The following ITGA4 variants were observed in gnomAD, a reference collection of about 807,000 sequenced individuals.
ITGA4 encodes integrin alpha-4.
In ITGA4, 63 loss-of-function variants were observed where a neutral mutation model predicts 133.6. That is an observed-to-expected ratio of 0.47 (90% CI 0.38 to 0.58). The LOEUF is 0.58. Among genes scored for constraint, ITGA4 ranks in the 20% least tolerant of loss-of-function variants. ITGA4 has a pLI of 0.00. For missense variants in ITGA4, 1,076 were observed against 1,252.7 expected (o/e 0.86, Z 2.13); for synonymous variants, 483 against 438.0 (o/e 1.10, Z -1.28).
chr2:181,519,996 A>G (rs1686685389), intron 17 of ITGA4, among the ~76,000 whole-genome samples: 1 of 152,114 alleles, frequency 6.6e-6, no homozygotes, highest in African/African-American at 2.4e-5. Flanking sequence ...AGGCTCTGAG[A>G]AAGCATGTGA....
At chr2:181,504,625 T>C (rs1235839933) in intron 15 of ITGA4, among the ~76,000 whole-genome samples, 1 of 152,116 alleles carries the variant, frequency 6.6e-6, no homozygotes, top group Non-Finnish European at 1.5e-5. Flanking sequence ...GAATTGATTA[T>C]TATAACATGT....
intron 21 of ITGA4, among the ~76,000 whole-genome samples, chr2:181,525,888 A>C (rs769563397): frequency 2.6e-5 from 4 of 152,224 alleles, no homozygotes; most frequent in Admixed American, 6.5e-5. Context: ...AGAAAGAATA[A>C]AAGGGGGCTT....
chr2:181,493,988 G>T (rs557876028), intron 11 of ITGA4, among the ~76,000 whole-genome samples: 1 of 152,306 alleles, frequency 6.6e-6, no homozygotes, highest in East Asian at 1.9e-4. Flanking sequence ...TATTTGCATG[G>T]AAATATTAGC....
chr2:181,462,686 C>T (rs1685315270), intron 2 of ITGA4, among the ~76,000 whole-genome samples: 1 of 152,136 alleles, frequency 6.6e-6, no homozygotes, highest in Non-Finnish European at 1.5e-5. Context: ...AAAGAAGTTT[C>T]CTTATTTCCA....
chr2:181,478,927 A>G (rs549952081), intron 5 of ITGA4, 103 bp downstream of exon 5: 5 of 526,192 alleles, frequency 9.5e-6, no homozygotes, highest in African/African-American at 7.9e-5. Context: ...ATTGTGTAAC[A>G]TCTTCATCAT....
intron 5 of ITGA4, chr2:181,479,865 G>C (rs990722122): frequency 1.5e-5 from 3 of 204,876 alleles, no homozygotes; most frequent in Non-Finnish European, 2.9e-5. Flanking sequence ...TTACTCTAGC[G>C]TTCAGTACTT....
chr2:181,527,774 T>C (rs1268717088), intron 22 of ITGA4, among the ~76,000 whole-genome samples: 2 of 152,174 alleles, frequency 1.3e-5, no homozygotes, highest in Admixed American at 1.3e-4. Context: ...TATAAAAACC[T>C]CAGCACTACA....
chr2:181,523,264 A>G lies in ITGA4; in HGVS notation c.2074-173A>G, dbSNP rs1213465767. ...TACACATACATATATACACACATGC[A>G]CACATATTTATATCATATGTCTATT... On this transcript the variant is annotated intron_variant, in intron 18 of 27. Transcript: ENST00000397033. The surrounding 1 kb of genome is among the most constrained non-coding windows in gnomAD (Gnocchi z 4.2). The G allele has an allele frequency of 1.9e-6, 1 of 529,166 alleles. No individual in the cohort carries two copies. The highest frequency in any genetic ancestry group is 3.4e-6 in the Non-Finnish European group (1 of 293,696). 32.8% of individuals were successfully genotyped at this position (529,166 alleles called of 1,614,324 possible).
At position 181,495,770 on chromosome 2, in the gene ITGA4, A is replaced by C; in HGVS notation, c.1386-13A>C. ...TTCTGCAATTAACATTGCTACTTTTATTTCCTTCTCAGGACAAGACCTGTA... is the reference window on the plus strand; with the variant it reads ...TTCTGCAATTAACATTGCTACTTTTCTTTCCTTCTCAGGACAAGACCTGTA... On this transcript the variant is annotated splice_polypyrimidine_tract_variant and intron_variant, in intron 13 of 27. Transcript: ENST00000397033. This position sits in a 1 kb window ranked among gnomAD's most constrained non-coding sequence, Gnocchi z 4.3. The C allele has an allele frequency of 6.2e-7, 1 of 1,602,558 alleles. No homozygotes were observed. Among genetic ancestry groups the C allele is most frequent in the Non-Finnish European group, 8.5e-7 (1 of 1,175,832 alleles).
intron 16 of ITGA4, among the ~76,000 whole-genome samples, chr2:181,510,602 C>T (rs1660198974): frequency 2.0e-5 from 3 of 152,216 alleles, no homozygotes; most frequent in Middle Eastern, 3.4e-3. Context: ...CCTGTCCAGA[C>T]AAAATTGCCC....
chr2:181,494,286 G>C (rs115112593), intron 11 of ITGA4, among the ~76,000 whole-genome samples: 23 of 152,020 alleles, frequency 1.5e-4, no homozygotes, highest in Admixed American at 1.5e-3. Flanking sequence ...ATTCATGTTG[G>C]GCAAGGAAGT....
intron 15 of ITGA4, among the ~76,000 whole-genome samples, chr2:181,499,378 C>T (rs1164071981): frequency 1.3e-5 from 2 of 152,134 alleles, no homozygotes; most frequent in African/African-American, 2.4e-5. Flanking sequence ...TATTAAAACA[C>T]TCATTCCCAA....
chr2:181,513,551 G>T (rs1314450336), intron 17 of ITGA4, among the ~76,000 whole-genome samples: 2 of 151,894 alleles, frequency 1.3e-5, no homozygotes, highest in Non-Finnish European at 2.9e-5. Context: ...TCCTACCTAG[G>T]TCACTAAGTT....
intron 22 of ITGA4, 135 bp downstream of exon 22, chr2:181,527,522 C>T: frequency 1.6e-6 from 1 of 607,474 alleles, no homozygotes. Flanking sequence ...GGGGCAGCAG[C>T]AGTGGTACTC....
intron 22 of ITGA4, among the ~76,000 whole-genome samples, chr2:181,527,940 G>A (rs558176104): frequency 6.6e-6 from 1 of 152,198 alleles, no homozygotes; most frequent in South Asian, 2.1e-4. Flanking sequence ...TTAGGAGACT[G>A]ATGTAAACCT....
rs1354027087 is a variant in ITGA4, at chr2:181,537,784, G to C, written c.*2257G>C. On this transcript the variant is annotated 3_prime_UTR_variant, in exon 28 of 28. Coordinates refer to ENST00000397033, the MANE Select transcript of ITGA4 (RefSeq NM_000885.6). Reference sequence around the variant, plus strand: ...GATATCTAAAAACAGAATTTGAATTGATATTTCATCTTGACTTTTAAAGCC... The same window carrying C: ...GATATCTAAAAACAGAATTTGAATTCATATTTCATCTTGACTTTTAAAGCC... The C allele has an allele frequency of 2.2e-6, 1 of 456,556 alleles. No homozygotes were observed. The highest frequency in any genetic ancestry group is 2.4e-5 in the Admixed American group (1 of 42,012). The allele number at this position is 456,556 out of a possible 1,614,324, so 28.3% of individuals were successfully genotyped here.
intron 15 of ITGA4, among the ~76,000 whole-genome samples, chr2:181,503,598 A>C (rs1686331143): frequency 8.6e-6 from 1 of 115,994 alleles, no homozygotes; most frequent in African/African-American, 3.2e-5. Context: ...TGCTTTAAAA[A>C]ATCCTTTGTA....
intron 2 of ITGA4, among the ~76,000 whole-genome samples, chr2:181,466,646 A>C (rs1685423558): frequency 6.6e-6 from 1 of 152,188 alleles, no homozygotes; most frequent in African/African-American, 2.4e-5. Flanking sequence ...TTTTAGAAAC[A>C]TTGCCACCAG....
chr2:181,466,127 G>A (rs1457332087), intron 2 of ITGA4, among the ~76,000 whole-genome samples: 1 of 152,038 alleles, frequency 6.6e-6, no homozygotes, highest in African/African-American at 2.4e-5. Flanking sequence ...AGTCCTGGCA[G>A]AGACCCCAAA....
Sources: gnomAD v4.1 joint callset for allele counts (sites outside exome capture counted in the v4.1 genomes callset) on GRCh38, gnomAD v4.1.1 for gene constraint, Gnocchi (gnomAD v3.1) non-coding constraint, MANE v1.5 for transcripts, NCBI Gene and HGNC (gene_info 2026-07-23, HGNC 2026-07-21) for gene names.